CSNK1G3: variants seen among roughly 807,000 people sequenced by gnomAD.
CSNK1G3 encodes the protein casein kinase I isoform gamma-3.
Under a neutral mutation model 64.3 loss-of-function variants are expected in CSNK1G3, and 23 were observed. The observed-to-expected ratio is 0.36, with a 90% confidence interval of 0.26 to 0.51. The LOEUF is 0.51. Among genes scored for constraint, CSNK1G3 ranks in the 20% least tolerant of loss-of-function variants. The probability of loss-of-function intolerance (pLI) is 0.96; values close to 1 mark genes in which losing one functional copy is unlikely to be tolerated. For synonymous variants in CSNK1G3, 158 were observed against 162.2 expected, an observed-to-expected ratio of 0.97 and a Z score of 0.20; for missense variants, 357 against 510.5, an observed-to-expected ratio of 0.70 and a Z score of 2.90.
Position 123,545,851 on chromosome 5 carries a change from TTTTG to T in CSNK1G3, c.178+14_178+17del. On this transcript the variant is annotated intron_variant, in intron 2 of 12. Coordinates refer to ENST00000345990, the Ensembl canonical transcript of CSNK1G3. ...GGAGAATTACGATTAGGTAAGACTA[TTTTG>T]TTTATTCCATTATGTTAGAAACATT... 1 of 1,602,648 alleles carries T rather than the reference TTTTG, an allele frequency of 6.2e-7. No homozygotes were observed. The highest frequency in any genetic ancestry group is 8.5e-7 in the Non-Finnish European group (1 of 1,170,142).
intron 6 of CSNK1G3, among the ~76,000 whole-genome samples, chr5:123,581,357 TTTG>T (rs368696863): frequency 4.4e-4 from 47 of 107,684 alleles, no homozygotes; most frequent in African/African-American, 1.4e-3. Flanking sequence ...GTTTTTTGGG[TTTG>T]TTTTTTTTTT....
chr5:123,598,041 T>C (rs1793760133), intron 10 of CSNK1G3, among the ~76,000 whole-genome samples: 1 of 152,176 alleles, frequency 6.6e-6, no homozygotes, highest in Non-Finnish European at 1.5e-5. Context: ...ATTTTATCTC[T>C]TTAGTTCAGT....
intron 1 of CSNK1G3, among the ~76,000 whole-genome samples, chr5:123,529,677 G>A (rs1779611872): frequency 1.3e-5 from 2 of 152,102 alleles, no homozygotes; most frequent in African/African-American, 4.8e-5. Flanking sequence ...TCTGATTTTA[G>A]ATAGTAAGAT....
intron 12 of CSNK1G3, among the ~76,000 whole-genome samples, chr5:123,606,816 C>A (rs1303436293): frequency 6.6e-6 from 1 of 152,160 alleles, no homozygotes; most frequent in African/African-American, 2.4e-5. Flanking sequence ...TCAGCAGTTA[C>A]ACTGCTGAGG....
At chr5:123,589,844 C>T (rs1351519907) in intron 8 of CSNK1G3, among the ~76,000 whole-genome samples, 2 of 151,924 alleles carry the variant, frequency 1.3e-5, no homozygotes, top group Admixed American at 1.3e-4. Context: ...TTACACTGTC[C>T]TCTTGTGTTA....
At chr5:123,611,988 A>T (rs2151257300) in intron 12 of CSNK1G3, among the ~76,000 whole-genome samples, 1 of 152,334 alleles carries the variant, frequency 6.6e-6, no homozygotes, top group African/African-American at 2.4e-5. Flanking sequence ...GTTAAAAATA[A>T]ATTTGACTTA....
intron 8 of CSNK1G3, among the ~76,000 whole-genome samples, chr5:123,589,397 A>G (rs1486916772): frequency 6.6e-6 from 1 of 152,148 alleles, no homozygotes; most frequent in East Asian, 1.9e-4. Flanking sequence ...GTAGGCAGAT[A>G]GGGTAGTTGT....
rs1023974178 is a variant in CSNK1G3 at position 123,533,097 on chromosome 5, C to T, written c.-247-12320C>T. On this transcript the variant is annotated intron_variant, in intron 1 of 12. Coordinates refer to ENST00000345990, the Ensembl canonical transcript of CSNK1G3. ...TGGGTAGTTATTAAGTTTACTTAAT[C>T]TATTACTTACCATTGACACTTTAAA... is the stretch of plus-strand genomic sequence containing the variant. Among the ~76,000 whole-genome samples the T allele has an allele frequency of 3.9e-5, 6 of 152,014 alleles. No homozygotes were observed. In the South Asian group the frequency reaches 1.2e-3, roughly 31 times the overall value.
chr5:123,604,819 G>A (rs753233138), exon 11 of CSNK1G3: 1 of 1,605,702 alleles, frequency 6.2e-7, no homozygotes, highest in Admixed American at 1.7e-5. Context: ...TAGAAGTGAT[G>A]GATGAAACCA....
intron 12 of CSNK1G3, among the ~76,000 whole-genome samples, chr5:123,609,680 T>C (rs1311267572): frequency 6.6e-6 from 1 of 152,142 alleles, no homozygotes; most frequent in Non-Finnish European, 1.5e-5. Context: ...GATACTGAGG[T>C]AAGAAATCCC....
At chr5:123,535,870 T>G (rs1780710212) in intron 1 of CSNK1G3, among the ~76,000 whole-genome samples, 1 of 152,132 alleles carries the variant, frequency 6.6e-6, no homozygotes, top group South Asian at 2.1e-4. Context: ...CTCTCCCTCC[T>G]AGTTTCAGAC....
exon 13 of CSNK1G3, chr5:123,615,650 A>C (rs1749329703): frequency 6.6e-6 from 1 of 152,180 alleles, no homozygotes; most frequent in African/African-American, 2.4e-5. Context: ...TCCACTTTTC[A>C]AGTATGCTTT....
In CSNK1G3 at chr5:123,562,974, T is replaced by C. The variant is rs151108822; in HGVS notation, c.289+5410T>C. Among the ~76,000 whole-genome samples, 65 of 152,164 alleles carry C rather than the reference T, an allele frequency of 4.3e-4. 1 individual carries two copies. The East Asian group carries it at 9.3e-3, about 22-fold the overall frequency. The stretch of plus-strand genomic sequence containing the variant: ...ATGCATAGAACATATTTGAAATTTA[T>C]GGGAAAATTGTTTTTGGAGGTCTGT... On this transcript the variant is annotated intron_variant, in intron 4 of 12. Coordinates refer to ENST00000345990, the Ensembl canonical transcript of CSNK1G3.
chr5:123,606,764 C>T (rs1279972088), intron 12 of CSNK1G3, among the ~76,000 whole-genome samples: 1 of 152,142 alleles, frequency 6.6e-6, no homozygotes, highest in African/African-American at 2.4e-5. Context: ...CTCCTGGAGA[C>T]TTGCTTTTAA....
chr5:123,612,479 ATTTTTTT>A (rs200373188), intron 12 of CSNK1G3, among the ~76,000 whole-genome samples: 1 of 138,454 alleles, frequency 7.2e-6, no homozygotes, highest in Non-Finnish European at 1.6e-5. Context: ...ACTTGAAGCT[ATTTTTTT>A]TTTTTTTTTG....
chr5:123,586,301 G>A (rs1791316421), intron 6 of CSNK1G3, among the ~76,000 whole-genome samples: 2 of 152,130 alleles, frequency 1.3e-5, no homozygotes, highest in African/African-American at 4.8e-5. Flanking sequence ...ACATTTTGGA[G>A]CATTAGAAAT....
At chr5:123,605,348 A>G (rs746062854) in exon 12 of CSNK1G3, 2 of 1,610,226 alleles carry the variant, frequency 1.2e-6, no homozygotes, top group African/African-American at 1.3e-5. Context: ...GCTGCCAGAA[A>G]GTGTTGAACA....
intron 12 of CSNK1G3, among the ~76,000 whole-genome samples, chr5:123,611,996 T>G (rs1250722643): frequency 1.3e-5 from 2 of 152,228 alleles, no homozygotes; most frequent in African/African-American, 4.8e-5. Flanking sequence ...TAAATTTGAC[T>G]TATTTTTTTA....
intron 10 of CSNK1G3, among the ~76,000 whole-genome samples, chr5:123,592,960 A>C (rs946117460): frequency 6.6e-6 from 1 of 151,938 alleles, no homozygotes; most frequent in African/African-American, 2.4e-5. Flanking sequence ...AATTCCTTGA[A>C]TGTACTTGGA....
Sources: gnomAD v4.1 joint callset for allele counts (sites outside exome capture counted in the v4.1 genomes callset) on GRCh38, gnomAD v4.1.1 for gene constraint, MANE v1.5 for transcripts, NCBI Gene and HGNC (gene_info 2026-07-23, HGNC 2026-07-21) for gene names.